The following EHBP1 variants were observed in gnomAD, a reference collection of about 807,000 sequenced individuals.
EHBP1 encodes EH domain-binding protein 1.
Under a neutral mutation model 144.0 loss-of-function variants are expected in EHBP1, and 55 were observed. The ratio of observed to expected loss-of-function variants is 0.38; its 90% CI spans 0.31 to 0.48. The LOEUF (loss-of-function observed/expected upper bound fraction) is 0.48. EHBP1 is among the 20% of genes least tolerant of loss of function. The probability of loss-of-function intolerance (pLI) is 0.98; values close to 1 mark genes in which losing one functional copy is unlikely to be tolerated. For synonymous variants in EHBP1, 469 were observed against 472.7 expected (o/e 0.99, Z 0.10); for missense variants, 1,200 against 1,364.2 (o/e 0.88, Z 1.90).
At chr2:62,702,157 A>G (rs1019235881), upstream of EHBP1, among the ~76,000 whole-genome samples, 6 of 152,214 alleles carry the variant, frequency 3.9e-5, no homozygotes, top group Non-Finnish European at 2.9e-5. Flanking sequence ...CATTTTCAAA[A>G]TTGTCATGGC....
chr2:62,980,965 A>G (rs185261141), intron 15 of EHBP1, among the ~76,000 whole-genome samples: 158 of 150,308 alleles, frequency 1.1e-3, no homozygotes, highest in African/African-American at 3.6e-3. Context: ...CACCTACTCA[A>G]GAGGCTGAAT....
intron 1 of EHBP1, among the ~76,000 whole-genome samples, chr2:62,693,870 A>G (rs193270257): frequency 4.1e-4 from 63 of 152,252 alleles, no homozygotes; most frequent in Admixed American, 2.1e-3. Context: ...AACATGTAAT[A>G]TTTGTCTATC....
intron 14 of EHBP1, among the ~76,000 whole-genome samples, chr2:62,963,293 T>C (rs927245568): frequency 6.6e-6 from 1 of 152,190 alleles, no homozygotes; most frequent in Non-Finnish European, 1.5e-5. Flanking sequence ...TTGATGTTGA[T>C]TGGAAATTAT....
intron 19 of EHBP1, among the ~76,000 whole-genome samples, chr2:63,019,825 G>A (rs1232169185): frequency 1.6e-5 from 1 of 61,576 alleles, no homozygotes; most frequent in Non-Finnish European, 3.1e-5. Flanking sequence ...AAGGGAAGAG[G>A]GGGAGGGAAG....
intron 1 of EHBP1, among the ~76,000 whole-genome samples, chr2:62,697,446 G>A (rs1339313468): frequency 6.6e-6 from 1 of 152,160 alleles, no homozygotes; most frequent in Non-Finnish European, 1.5e-5. Context: ...TTTATTGAGT[G>A]GGTGATCCTT....
At position 62,838,083 on chromosome 2, in the gene EHBP1, G is replaced by C. The variant is rs1329300340; in HGVS notation, c.634+6925G>C. Among the ~76,000 whole-genome samples, 118 of 150,972 alleles carry C rather than the reference G, an allele frequency of 7.8e-4. No homozygotes were observed. In the East Asian group the frequency reaches 0.011, roughly 14 times the overall value. ...CACCTATTCCAAAATTGACCACATA[G>C]TTGGAAGTAAAGCTCTCCTCAGCAA... On this transcript the variant is annotated intron_variant, in intron 7 of 22. Transcript: ENST00000431489.
intron 10 of EHBP1, among the ~76,000 whole-genome samples, chr2:62,891,337 A>G (rs915290616): frequency 3.3e-5 from 5 of 152,126 alleles, no homozygotes; most frequent in African/African-American, 7.2e-5. Flanking sequence ...AATCATTTCT[A>G]TGAGGGCTTT....
intron 5 of EHBP1, among the ~76,000 whole-genome samples, chr2:62,788,695 A>G (rs1055147770): frequency 1.3e-5 from 2 of 152,042 alleles, no homozygotes; most frequent in African/African-American, 4.8e-5. Context: ...TTTTGTTTTT[A>G]TATTCTTCTT....
intron 2 of EHBP1, among the ~76,000 whole-genome samples, chr2:62,711,973 A>G (rs1204570328): frequency 1.3e-5 from 2 of 152,218 alleles, no homozygotes; most frequent in East Asian, 3.8e-4. Flanking sequence ...GTATTTTGCT[A>G]CAAAGCAGAG....
chr2:62,939,414 C>T (rs1408789686), intron 10 of EHBP1, among the ~76,000 whole-genome samples: 1 of 152,156 alleles, frequency 6.6e-6, no homozygotes, highest in Non-Finnish European at 1.5e-5. Flanking sequence ...GCTGGGACTA[C>T]AGGCACGCAT....
At chr2:62,822,823 G>A (rs943077808) in intron 5 of EHBP1, among the ~76,000 whole-genome samples, 1 of 152,110 alleles carries the variant, frequency 6.6e-6, no homozygotes, top group African/African-American at 2.4e-5. Flanking sequence ...AATAAGTGCT[G>A]GTGCTACAGT....
intron 8 of EHBP1, among the ~76,000 whole-genome samples, chr2:62,863,847 T>G (rs2049829692): frequency 7.4e-6 from 1 of 135,792 alleles, no homozygotes; most frequent in Admixed American, 7.4e-5. Flanking sequence ...GTTGTTTTTT[T>G]TTTTTTTTTT....
intron 19 of EHBP1, among the ~76,000 whole-genome samples, chr2:63,012,974 A>C (rs2060332182): frequency 6.6e-6 from 1 of 152,170 alleles, no homozygotes; most frequent in African/African-American, 2.4e-5. Context: ...TAAAAAAAGA[A>C]GAGGAAAAAA....
At chr2:62,918,312 G>A (rs578218174) in intron 10 of EHBP1, among the ~76,000 whole-genome samples, 8 of 152,124 alleles carry the variant, frequency 5.3e-5, no homozygotes, top group South Asian at 2.1e-4. Flanking sequence ...ATTGTAGTAC[G>A]GGCTGCTGGT....
At chr2:62,750,007 T>C (rs912069361) in intron 3 of EHBP1, among the ~76,000 whole-genome samples, 15 of 152,228 alleles carry the variant, frequency 9.9e-5, no homozygotes, top group Non-Finnish European at 1.2e-4. Flanking sequence ...ATTTGTCAAT[T>C]TTGTCTTTTG....
chr2:62,801,059 A>G lies in EHBP1; in HGVS notation c.313-25028A>G, dbSNP rs558892509. Among the ~76,000 whole-genome samples the G allele has an allele frequency of 7.2e-5, 11 of 152,354 alleles. No individual in the cohort carries two copies. In the South Asian group the frequency reaches 2.3e-3, roughly 32 times the overall value. On this transcript the variant is annotated intron_variant, in intron 5 of 22. Transcript: ENST00000431489. ...CTGGATTTTTATATCCTGTTTATTC[A>G]AAGGTTTATAACTATACAATATTTT...
intron 5 of EHBP1, among the ~76,000 whole-genome samples, chr2:62,818,117 A>G (rs1008311336): frequency 6.6e-6 from 1 of 151,154 alleles, no homozygotes; most frequent in African/African-American, 2.4e-5. Flanking sequence ...GTATGCCTGT[A>G]TAGGGCAGTA....
chr2:62,758,509 T>G (rs2040494357), intron 3 of EHBP1, among the ~76,000 whole-genome samples: 2 of 152,158 alleles, frequency 1.3e-5, no homozygotes, highest in African/African-American at 4.8e-5. Flanking sequence ...ATAACAAAGA[T>G]TTTTGTCAGG....
At chr2:62,674,086 A>C (rs1310744407) in intron 1 of EHBP1, 1 of 471,206 alleles carries the variant, frequency 2.1e-6, no homozygotes, top group Admixed American at 2.3e-5. Flanking sequence ...TTTTCAAGGT[A>C]TGAACTGGTA....
Sources: allele counts gnomAD v4.1 joint callset (sites outside exome capture counted in the v4.1 genomes callset), GRCh38; gene constraint gnomAD v4.1.1; transcripts MANE v1.5; gene names NCBI Gene and HGNC (gene_info 2026-07-23, HGNC 2026-07-21).